Variants in KCNIP1 observed in about 807,000 individuals in gnomAD.
KCNIP1 encodes the protein potassium voltage-gated channel interacting protein 1.
Under a neutral mutation model 33.0 loss-of-function variants are expected in KCNIP1, and 18 were observed. That is an observed-to-expected ratio of 0.55 (90% confidence interval 0.38 to 0.81). The LOEUF (loss-of-function observed/expected upper bound fraction) is 0.81. Ranked by LOEUF, KCNIP1 falls within the 30% of genes least tolerant of loss-of-function variation. The pLI is 0.00. For missense variants in KCNIP1, 238 were observed against 271.6 expected, an observed-to-expected ratio of 0.88 and a Z score of 0.87; for synonymous variants, 93 against 98.3, an observed-to-expected ratio of 0.95 and a Z score of 0.32.
At chr5:170,732,720 A>G in intron 5 of KCNIP1, 80 bp from the exon 6 acceptor site, 1 of 873,290 alleles carries the variant, frequency 1.1e-6, no homozygotes, top group Non-Finnish European at 1.9e-6. Context: ...CAAGGGGCAC[A>G]AGGAGCCCCA....
intron 1 of KCNIP1, among the ~76,000 whole-genome samples, chr5:170,404,394 C>T (rs1366439977): frequency 1.3e-5 from 2 of 151,978 alleles, no homozygotes; most frequent in African/African-American, 2.4e-5. Context: ...TGCTGTGTAA[C>T]AAGCAGCCTC....
chr5:170,424,861 A>ATCATAAAT (rs1323617922), intron 1 of KCNIP1, among the ~76,000 whole-genome samples: 8 of 152,222 alleles, frequency 5.3e-5, no homozygotes, highest in Admixed American at 5.2e-4. Context: ...GCCCCTGCCA[A>ATCATAAAT]CATTTGCTCA....
At chr5:170,434,887 G>A (rs1337476475) in intron 1 of KCNIP1, among the ~76,000 whole-genome samples, 1 of 152,180 alleles carries the variant, frequency 6.6e-6, no homozygotes, top group Non-Finnish European at 1.5e-5. Flanking sequence ...CCCAGGAAGG[G>A]GAGGTTGCAG....
chr5:170,561,858 A>G (rs530121802), intron 1 of KCNIP1, among the ~76,000 whole-genome samples: 1 of 152,338 alleles, frequency 6.6e-6, no homozygotes, highest in African/African-American at 2.4e-5. Flanking sequence ...TCAAATTACC[A>G]TGGGGCTACC....
chr5:170,509,690 A>G (rs1222230380), intron 1 of KCNIP1, among the ~76,000 whole-genome samples: 1 of 152,248 alleles, frequency 6.6e-6, no homozygotes, highest in East Asian at 1.9e-4. Flanking sequence ...AAATGAATGA[A>G]TGATGAAGTG....
At chr5:170,648,717 A>G (rs2113716055) in intron 1 of KCNIP1, among the ~76,000 whole-genome samples, 1 of 152,298 alleles carries the variant, frequency 6.6e-6, no homozygotes, top group African/African-American at 2.4e-5. Flanking sequence ...CAAAACACAG[A>G]GAATGTACCA....
intron 1 of KCNIP1, among the ~76,000 whole-genome samples, chr5:170,697,222 C>A (rs995485259): frequency 1.3e-5 from 2 of 152,148 alleles, no homozygotes; most frequent in East Asian, 1.9e-4. Flanking sequence ...CCCCTGCCCC[C>A]ATCCCAGAGC....
chr5:170,574,298 A>G (rs1257903802), intron 1 of KCNIP1, among the ~76,000 whole-genome samples: 1 of 152,244 alleles, frequency 6.6e-6, no homozygotes, highest in Non-Finnish European at 1.5e-5. Context: ...AACATCACCA[A>G]ACTTCTAAAT....
chr5:170,421,455 T>C (rs1001610189), intron 1 of KCNIP1, among the ~76,000 whole-genome samples: 2 of 152,170 alleles, frequency 1.3e-5, no homozygotes, highest in Non-Finnish European at 2.9e-5. Context: ...GCTGGCCTTA[T>C]ATACCATAGA....
intron 1 of KCNIP1, among the ~76,000 whole-genome samples, chr5:170,650,429 T>C (rs574856425): frequency 5.2e-4 from 79 of 152,296 alleles, no homozygotes; most frequent in African/African-American, 1.9e-3. Flanking sequence ...AGCCACGCAG[T>C]ATGCATTCTT....
rs963088343 is a variant in KCNIP1 at position 170,647,182 on chromosome 5, T to A, written c.62-71576T>A. On this transcript the variant is annotated intron_variant, in intron 1 of 7. Coordinates refer to ENST00000328939, the MANE Select transcript of KCNIP1 (RefSeq NM_014592.4). ...TGGTATTGTCAGGTTATCAGTTCTT[T>A]CCAACTTCATCTATAGATTAAATGC... is the stretch of plus-strand genomic sequence containing the variant. Among the ~76,000 whole-genome samples, 3 of 152,316 alleles carry A rather than the reference T, an allele frequency of 2.0e-5. No individual in the cohort carries two copies. The South Asian group carries it at 6.2e-4, about 32-fold the overall frequency.
intron 1 of KCNIP1, chr5:170,379,092 G>A (rs1764132782): frequency 4.0e-6 from 5 of 1,248,528 alleles, no homozygotes; most frequent in Non-Finnish European, 5.5e-6. Context: ...TGGAGTCGGG[G>A]CTTTGGTCTA....
intron 1 of KCNIP1, among the ~76,000 whole-genome samples, chr5:170,488,301 G>T (rs1051554681): frequency 2.0e-5 from 3 of 152,154 alleles, no homozygotes; most frequent in Non-Finnish European, 4.4e-5. Flanking sequence ...AGAGCCTTGA[G>T]ATTAGGGCTT....
At chr5:170,475,670 G>T (rs1282761140) in intron 1 of KCNIP1, among the ~76,000 whole-genome samples, 1 of 152,130 alleles carries the variant, frequency 6.6e-6, no homozygotes, top group African/African-American at 2.4e-5. Flanking sequence ...CTGCAGCAGG[G>T]CCTCTTTGTG....
At chr5:170,700,893 T>C (rs1221015620) in intron 1 of KCNIP1, among the ~76,000 whole-genome samples, 1 of 152,214 alleles carries the variant, frequency 6.6e-6, no homozygotes, top group Non-Finnish European at 1.5e-5. Context: ...CAAGCACAAA[T>C]GACCACCCCA....
At chr5:170,626,856 G>T (rs1361246490) in intron 1 of KCNIP1, among the ~76,000 whole-genome samples, 5 of 129,798 alleles carry the variant, frequency 3.9e-5, no homozygotes, top group Non-Finnish European at 6.5e-5. Flanking sequence ...CTCAGCTTAT[G>T]AGCCTGGGTG....
At chr5:170,653,481 A>G (rs1240511863) in intron 1 of KCNIP1, among the ~76,000 whole-genome samples, 1 of 152,032 alleles carries the variant, frequency 6.6e-6, no homozygotes, top group African/African-American at 2.4e-5. Context: ...AAAATTTGTG[A>G]TGTTCTCTCT....
chr5:170,444,813 AT>A (rs1364156744), intron 1 of KCNIP1, among the ~76,000 whole-genome samples: 1 of 151,852 alleles, frequency 6.6e-6, no homozygotes, highest in African/African-American at 2.4e-5. Flanking sequence ...ACAGAATGGC[AT>A]TTCTGATTGA....
chr5:170,585,743 A>G (rs1757962706), intron 1 of KCNIP1, among the ~76,000 whole-genome samples: 1 of 152,230 alleles, frequency 6.6e-6, no homozygotes, highest in African/African-American at 2.4e-5. Flanking sequence ...TATTCCTCCC[A>G]GGGCAGACGG....
Sources: gnomAD v4.1 joint callset for allele counts (sites outside exome capture counted in the v4.1 genomes callset) on GRCh38, gnomAD v4.1.1 for gene constraint, MANE v1.5 for transcripts, NCBI Gene and HGNC (gene_info 2026-07-23, HGNC 2026-07-21) for gene names.